Variants in COX10 observed in about 807,000 individuals in gnomAD.
The protein encoded by COX10 is protoheme IX farnesyltransferase, mitochondrial.
A neutral mutation model predicts 37.3 loss-of-function variants in COX10; 27 were observed. The ratio of observed to expected loss-of-function variants is 0.72; its 90% CI spans 0.53 to 1.00. The LOEUF (loss-of-function observed/expected upper bound fraction) is 1.00, where lower values mean the gene tolerates loss of function less well. COX10 is among the 50% of genes least tolerant of loss of function. The pLI, the probability that COX10 is intolerant of heterozygous loss-of-function variation, is 0.00. For missense variants in COX10, 475 were observed against 563.2 expected, an observed-to-expected ratio of 0.84 and a Z score of 1.59; for synonymous variants, 222 against 229.1, an observed-to-expected ratio of 0.97 and a Z score of 0.28.
rs1238457878 is a variant in COX10, at chr17:14,083,638, A to G, written c.499+6582A>G. 2.0e-5 allele frequency among the ~76,000 whole-genome samples: 3 copies of G among 152,240 alleles called. No individual in the cohort carries two copies. The East Asian group carries it at 5.8e-4, about 29-fold the overall frequency. On this transcript the variant is annotated intron_variant, in intron 3 of 6. Coordinates refer to ENST00000261643, the MANE Select transcript of COX10 (RefSeq NM_001303.4). ...AGCCTGATGCCTTGGCATTTAGGCCAGGATATGAGCCAAACGTTTGCTGGT... is the reference window on the plus strand; with the variant it reads ...AGCCTGATGCCTTGGCATTTAGGCCGGGATATGAGCCAAACGTTTGCTGGT...
At chr17:14,086,024 C>G (rs909950824) in intron 3 of COX10, among the ~76,000 whole-genome samples, 1 of 152,080 alleles carries the variant, frequency 6.6e-6, no homozygotes, top group Non-Finnish European at 1.5e-5. Context: ...TCCCAGCCTT[C>G]TCTTCTGTGT....
intron 4 of COX10, among the ~76,000 whole-genome samples, chr17:14,123,642 T>C (rs1891858056): frequency 1.3e-5 from 2 of 152,184 alleles, no homozygotes; most frequent in South Asian, 4.1e-4. Flanking sequence ...ATTTCTGTAG[T>C]CTCTTTAATG....
At chr17:14,116,329 G>A (rs1309062327) in intron 4 of COX10, among the ~76,000 whole-genome samples, 1 of 152,046 alleles carries the variant, frequency 6.6e-6, no homozygotes. Flanking sequence ...TAGTGAAAAT[G>A]TATTTCAAAG....
intron 6 of COX10, among the ~76,000 whole-genome samples, chr17:14,204,781 C>CT (rs11078232): frequency 0.71 from 107,268 of 151,940 alleles, 38,637 homozygotes; most frequent in Non-Finnish European, 0.79. Flanking sequence ...CGTTAAGATC[C>CT]TCTGTGGCTT....
intron 4 of COX10, among the ~76,000 whole-genome samples, chr17:14,159,073 TC>T (rs906874912): frequency 2.6e-5 from 4 of 152,330 alleles, no homozygotes; most frequent in African/African-American, 9.6e-5. Flanking sequence ...AAACTGTACT[TC>T]ATTGTTAGGA....
intron 3 of COX10, among the ~76,000 whole-genome samples, chr17:14,086,153 A>C (rs1284235327): frequency 6.6e-6 from 1 of 152,036 alleles, no homozygotes; most frequent in African/African-American, 2.4e-5. Flanking sequence ...CTTTGTTTTC[A>C]TGTGCAAAAG....
chr17:14,206,985 C>T lies in COX10; in HGVS notation c.1104C>T (p.Ser368=), dbSNP rs753622725. The part of the protein sequence containing the change: ...LRHCLALLVL[S]AAAPVLDITT... ...ACTGCCTGGCCCTGCTCGTGCTGTC[C>T]GCAGCAGCCCCTGTGCTGGACATCA... Residue 368 remains serine, a synonymous_variant, in exon 7 of 7, where the codon TCC becomes TCT. Transcript: ENST00000261643. 22 of 1,613,952 alleles carry T rather than the reference C, an allele frequency of 1.4e-5. No individual in the cohort carries two copies. The highest frequency in any genetic ancestry group is 3.3e-5 in the South Asian group (3 of 91,096).
At chr17:14,159,847 GT>G (rs1350380578) in intron 4 of COX10, 29 bp from the exon 5 acceptor site, 2 of 1,542,370 alleles carry the variant, frequency 1.3e-6, no homozygotes, top group East Asian at 4.5e-5. Context: ...TATAGTTAAT[GT>G]TTTCTGTCTT....
chr17:14,141,741 T>G (rs1904551473), intron 4 of COX10, among the ~76,000 whole-genome samples: 1 of 152,120 alleles, frequency 6.6e-6, no homozygotes, highest in Non-Finnish European at 1.5e-5. Flanking sequence ...TCATTATATT[T>G]AAAGAGTCCA....
intron 5 of COX10, among the ~76,000 whole-genome samples, chr17:14,183,263 G>T (rs561188336): frequency 6.6e-6 from 1 of 151,548 alleles, no homozygotes; most frequent in East Asian, 1.9e-4. Flanking sequence ...ACCATGAACC[G>T]ATTTGCATGC....
At chr17:14,073,668 C>G (rs1915080270) in intron 1 of COX10, among the ~76,000 whole-genome samples, 3 of 152,216 alleles carry the variant, frequency 2.0e-5, no homozygotes, top group Admixed American at 6.5e-5. Context: ...TGCAGAGAAC[C>G]AGGAACACTT....
intron 4 of COX10, among the ~76,000 whole-genome samples, chr17:14,137,598 G>T (rs1359799908): frequency 1.3e-5 from 2 of 151,838 alleles, no homozygotes; most frequent in Admixed American, 1.3e-4. Context: ...TCCCATGTGG[G>T]TTATTATATA....
chr17:14,155,656 A>G (rs1905022941), intron 4 of COX10, among the ~76,000 whole-genome samples: 1 of 151,822 alleles, frequency 6.6e-6, no homozygotes. Context: ...CGGAGCTTGC[A>G]GTGAGCCAAG....
intron 6 of COX10, among the ~76,000 whole-genome samples, chr17:14,196,374 T>C (rs1389707108): frequency 6.6e-6 from 1 of 152,118 alleles, no homozygotes; most frequent in Non-Finnish European, 1.5e-5. Flanking sequence ...CCCAAACTGG[T>C]CCCAGATGAC....
At chr17:14,142,647 T>C (rs1435345021) in intron 4 of COX10, among the ~76,000 whole-genome samples, 1 of 152,228 alleles carries the variant, frequency 6.6e-6, no homozygotes, top group East Asian at 1.9e-4. Context: ...ATCTTTTCTT[T>C]ATTGGAAACT....
At chr17:14,087,365 A>G (rs1915433124) in intron 3 of COX10, among the ~76,000 whole-genome samples, 1 of 152,176 alleles carries the variant, frequency 6.6e-6, no homozygotes. Flanking sequence ...CCTTCCGGAA[A>G]GAAGACAACA....
chr17:14,170,537 C>T (rs62055990), intron 5 of COX10, among the ~76,000 whole-genome samples: 20,923 of 152,068 alleles, frequency 0.14, 1,959 homozygotes, highest in East Asian at 0.4. Flanking sequence ...TAGCCTAGGC[C>T]AGGTGCATGG....
At chr17:14,110,166 T>G (rs762103295) in intron 4 of COX10, among the ~76,000 whole-genome samples, 5 of 152,124 alleles carry the variant, frequency 3.3e-5, no homozygotes, top group African/African-American at 1.2e-4. Flanking sequence ...AGGGTCTTAA[T>G]GAGAAGGAAA....
At chr17:14,197,305 T>G (rs1906395429) in intron 6 of COX10, among the ~76,000 whole-genome samples, 2 of 152,166 alleles carry the variant, frequency 1.3e-5, no homozygotes. Context: ...CTTTTTGTGG[T>G]GGCTACAGGG....
Sources: allele counts gnomAD v4.1 joint callset (sites outside exome capture counted in the v4.1 genomes callset), GRCh38; gene constraint gnomAD v4.1.1; transcripts MANE v1.5; gene names NCBI Gene and HGNC (gene_info 2026-07-23, HGNC 2026-07-21).